Variants in SYTL5 observed in about 807,000 individuals in gnomAD.
SYTL5 encodes synaptotagmin like 5, also known as synaptotagmin-like protein 5.
SYTL5 carries 34 observed loss-of-function variants against 55.9 expected under a neutral mutation model. That is an observed-to-expected ratio of 0.61 (90% CI 0.46 to 0.81). The LOEUF (loss-of-function observed/expected upper bound fraction) is 0.81, where lower values mean the gene tolerates loss of function less well. Among genes scored for constraint, SYTL5 ranks in the 30% least tolerant of loss-of-function variants. SYTL5 has a pLI of 0.00. For missense variants in SYTL5, 637 were observed against 546.7 expected (o/e 1.17, Z -1.65); for synonymous variants, 221 against 188.7 (o/e 1.17, Z -1.40).
At chrX:38,035,328 G>T (rs1935070892) in intron 2 of SYTL5, among the ~76,000 whole-genome samples, 1 of 112,408 alleles carries the variant, frequency 8.9e-6, no homozygotes, top group African/African-American at 3.2e-5. Flanking sequence ...AAATTATGTT[G>T]TTTATAGGGG....
At chrX:38,012,143 T>A (rs758634913) in intron 1 of SYTL5, among the ~76,000 whole-genome samples, 1 of 112,185 alleles carries the variant, frequency 8.9e-6, no homozygotes, top group Non-Finnish European at 1.9e-5. Flanking sequence ...CAGGAAACAC[T>A]CTGTTCCTAC....
chrX:37,952,803 G>A, the SYTL5 span, among the ~76,000 whole-genome samples: 1 of 111,298 alleles, frequency 9.0e-6, no homozygotes, highest in Non-Finnish European at 1.9e-5. Flanking sequence ...TCAAGGCCTG[G>A]ACATTGTTAT....
rs1402914516 is a variant in SYTL5, at chrX:38,128,331, G to A, written c.*1601G>A. 1 of 111,579 alleles carries A rather than the reference G, an allele frequency of 9.0e-6. No individual in the cohort carries two copies. The highest frequency in any genetic ancestry group is 1.9e-5 in the Non-Finnish European group (1 of 53,102). 9.2% of individuals were successfully genotyped at this position (111,579 alleles called of 1,213,427 possible). A position where few individuals can be genotyped will look rare whatever the true frequency, so the allele number is the denominator to read the frequency against. On this transcript the variant is annotated 3_prime_UTR_variant, in exon 17 of 17. Transcript: ENST00000297875. ...GGCATAATGCTATGCTTATTAGGTA[G>A]ATAAAAGGGCTTATGTCAAGAAATT... is the stretch of plus-strand genomic sequence containing the variant.
At chrX:37,940,727 G>C in the SYTL5 span, among the ~76,000 whole-genome samples, 3 of 109,623 alleles carry the variant, frequency 2.7e-5, no homozygotes, top group African/African-American at 9.9e-5. Flanking sequence ...AAATAAATAT[G>C]ACCACTGTGT....
At chrX:37,948,492 A>G in the SYTL5 span, among the ~76,000 whole-genome samples, 1 of 110,116 alleles carries the variant, frequency 9.1e-6, no homozygotes, top group Non-Finnish European at 1.9e-5. Context: ...ACTTTATTGA[A>G]GTATAGATGA....
the SYTL5 span, among the ~76,000 whole-genome samples, chrX:37,894,666 C>T: frequency 9.0e-6 from 1 of 111,639 alleles, no homozygotes. Context: ...TTTATTTCTG[C>T]AAGTGTATGT....
intron 12 of SYTL5, among the ~76,000 whole-genome samples, 173 bp downstream of exon 12, chrX:38,108,872 A>G (rs1196238134): frequency 8.9e-6 from 1 of 112,527 alleles, no homozygotes; most frequent in Non-Finnish European, 1.9e-5. Context: ...TCTTTTGAGA[A>G]AAAGAAAACA....
chrX:38,079,014 C>T lies in SYTL5; in HGVS notation c.689+2313C>T, dbSNP rs139168867. Among the ~76,000 whole-genome samples, 976 of 112,118 alleles carry T rather than the reference C, an allele frequency of 8.7e-3. 5 individuals are homozygous for T. Among genetic ancestry groups the T allele is most frequent in the Middle Eastern group, 0.041 (9 of 218 alleles). ...AGAGCAAAATGTCCTTTCCCTTGAA[C>T]GTGCATTTATCACAGTGATGACTCA... On this transcript the variant is annotated intron_variant, in intron 6 of 16. Coordinates refer to ENST00000297875, the MANE Select transcript of SYTL5 (RefSeq NM_138780.3).
In SYTL5 at chrX:38,128,421, C is replaced by T. The variant is rs1170733556; in HGVS notation, c.*1691C>T. The T allele has an allele frequency of 1.8e-5, 2 of 111,538 alleles. No homozygotes were observed. Among genetic ancestry groups the T allele is most frequent in the Non-Finnish European group, 3.8e-5 (2 of 53,150 alleles). 9.2% of individuals were successfully genotyped at this position (111,538 alleles called of 1,213,427 possible). A position where few individuals can be genotyped will look rare whatever the true frequency, so the allele number is the denominator to read the frequency against. On this transcript the variant is annotated 3_prime_UTR_variant, in exon 17 of 17. Transcript: ENST00000297875. Reference sequence around the variant, plus strand: ...CCAAGGTATGTTCTGGAGTCATATTCTAGCCTCTGAGCTCATTTTTTCATG... The same window carrying T: ...CCAAGGTATGTTCTGGAGTCATATTTTAGCCTCTGAGCTCATTTTTTCATG...
the SYTL5 span, among the ~76,000 whole-genome samples, chrX:37,976,299 A>C: frequency 8.9e-6 from 1 of 111,865 alleles, no homozygotes; most frequent in African/African-American, 3.3e-5. Context: ...TAACTCTTGC[A>C]TAAGCAGACT....
chrX:38,115,339 C>T (rs1273863223), intron 13 of SYTL5, among the ~76,000 whole-genome samples: 2 of 103,643 alleles, frequency 1.9e-5, no homozygotes, highest in African/African-American at 7.3e-5. Context: ...AAAAAATTAG[C>T]CGGGCGTGGT....
At chrX:37,909,188 G>C in the SYTL5 span, among the ~76,000 whole-genome samples, 1 of 111,863 alleles carries the variant, frequency 8.9e-6, no homozygotes, top group African/African-American at 3.3e-5. Context: ...AGCATGAAAA[G>C]AGTGTATATT....
the SYTL5 span, among the ~76,000 whole-genome samples, chrX:37,967,425 C>A: frequency 2.7e-5 from 3 of 111,662 alleles, no homozygotes; most frequent in African/African-American, 9.8e-5. Context: ...TCCTCTGATA[C>A]TCTAATTGAA....
chrX:38,028,586 C>T (rs1366841051), intron 1 of SYTL5, among the ~76,000 whole-genome samples: 2 of 111,818 alleles, frequency 1.8e-5, no homozygotes, highest in African/African-American at 3.2e-5. Flanking sequence ...GGATCAGCAA[C>T]GTTTTAAGCA....
chrX:38,011,234 A>G (rs1934170196), intron 1 of SYTL5, among the ~76,000 whole-genome samples: 2 of 112,737 alleles, frequency 1.8e-5, no homozygotes, highest in Admixed American at 1.9e-4. Flanking sequence ...TCCAATGTCC[A>G]GTAATGCTGT....
chrX:37,904,142 T>C, the SYTL5 span, among the ~76,000 whole-genome samples: 3 of 109,816 alleles, frequency 2.7e-5, no homozygotes, highest in African/African-American at 1.0e-4. Context: ...GAAGACACAT[T>C]GTCTTGGAGG....
At chrX:38,113,517 T>A (rs910618802) in intron 13 of SYTL5, among the ~76,000 whole-genome samples, 1 of 111,541 alleles carries the variant, frequency 9.0e-6, no homozygotes, top group South Asian at 3.9e-4. Flanking sequence ...GACCTCTCTT[T>A]TTTTCAGAAA....
the SYTL5 span, among the ~76,000 whole-genome samples, chrX:37,895,097 C>T: frequency 8.9e-6 from 1 of 111,931 alleles, no homozygotes; most frequent in African/African-American, 3.3e-5. Context: ...TCACCTTTGA[C>T]TCTGTTTCTC....
At chrX:37,994,337 A>G in the SYTL5 span, 6 of 112,819 alleles carry the variant, frequency 5.3e-5, no homozygotes, top group African/African-American at 1.6e-4. Flanking sequence ...AAACCCAGCA[A>G]TTCCTCATGG....
Sources: gnomAD v4.1 joint callset for allele counts (sites outside exome capture counted in the v4.1 genomes callset) on GRCh38, gnomAD v4.1.1 for gene constraint, MANE v1.5 for transcripts, NCBI Gene and HGNC (gene_info 2026-07-23, HGNC 2026-07-21) for gene names.